Variants in WIPI2 observed in about 807,000 individuals in gnomAD.
WIPI2 encodes the protein WD repeat domain phosphoinositide-interacting protein 2.
In WIPI2, 28 loss-of-function variants were observed where a neutral mutation model predicts 52.3. That is an observed-to-expected ratio of 0.54 (90% CI 0.40 to 0.73). The LOEUF (loss-of-function observed/expected upper bound fraction) is 0.73, where lower values mean the gene tolerates loss of function less well. Ranked by LOEUF, WIPI2 falls within the 30% of genes least tolerant of loss-of-function variation. The pLI, the probability that WIPI2 is intolerant of heterozygous loss-of-function variation, is 0.00. For synonymous variants in WIPI2, 268 were observed against 245.0 expected (o/e 1.09, Z -0.88); for missense variants, 506 against 602.9 (o/e 0.84, Z 1.68).
chr7:5,192,462 G>A (rs1222811447), intron 1 of WIPI2, among the ~76,000 whole-genome samples: 1 of 152,168 alleles, frequency 6.6e-6, no homozygotes, highest in African/African-American at 2.4e-5. Context: ...TACTTCAGCT[G>A]GACTGCCATG....
chr7:5,211,617 A>G (rs1404429354), intron 3 of WIPI2, among the ~76,000 whole-genome samples: 2 of 152,172 alleles, frequency 1.3e-5, no homozygotes, highest in East Asian at 3.8e-4. Flanking sequence ...CCCTATTTGG[A>G]AGTAAGTTCT....
intron 3 of WIPI2, among the ~76,000 whole-genome samples, chr7:5,210,028 C>G (rs1325463262): frequency 6.6e-6 from 1 of 152,168 alleles, no homozygotes; most frequent in Non-Finnish European, 1.5e-5. Flanking sequence ...CTGCCTCAGC[C>G]TCCCAAGTAG....
Position 5,229,725 on chromosome 7 carries a change from C to T in WIPI2, c.1239C>T (p.Ser413=), listed in dbSNP as rs1234191673. Residue 413 remains serine (S), a synonymous_variant, in exon 12 of 13, where the codon TCC becomes TCT. Transcript: ENST00000288828. ...AAGKGTYVPS[S]PTRLAYTDDL... is the part of the protein sequence containing the mutation. Reference sequence around the variant, plus strand: ...GAAAAGGTACTTACGTGCCTTCATCCCCAACGAGACTTGGTAAGGGGCGTG... The same window carrying T: ...GAAAAGGTACTTACGTGCCTTCATCTCCAACGAGACTTGGTAAGGGGCGTG... 15 of 1,613,932 alleles carry T rather than the reference C, an allele frequency of 9.3e-6. No homozygotes were observed. Among genetic ancestry groups the T allele is most frequent in the Middle Eastern group, 3.3e-4 (2 of 6,062 alleles).
At chr7:5,198,318 CTTT>C (rs35887906) in intron 2 of WIPI2, among the ~76,000 whole-genome samples, 2 of 144,722 alleles carry the variant, frequency 1.4e-5, no homozygotes, top group Non-Finnish European at 1.5e-5. Context: ...ACTTACTTAA[CTTT>C]TTTTTTTTTT....
chr7:5,225,604 T>TG (rs1783388905), intron 8 of WIPI2, among the ~76,000 whole-genome samples: 1 of 152,218 alleles, frequency 6.6e-6, no homozygotes, highest in Non-Finnish European at 1.5e-5. Context: ...CCTTTTGTCA[T>TG]GTGGAAGCTT....
At chr7:5,201,977 T>C (rs1782049419) in intron 3 of WIPI2, among the ~76,000 whole-genome samples, 1 of 152,146 alleles carries the variant, frequency 6.6e-6, no homozygotes, top group Non-Finnish European at 1.5e-5. Flanking sequence ...AGAGAATGTC[T>C]CTAGAAAACA....
intron 2 of WIPI2, 53 bp from the exon 3 acceptor site, chr7:5,199,523 T>C: frequency 6.5e-7 from 1 of 1,527,400 alleles, no homozygotes. Flanking sequence ...GGTTTCTACA[T>C]TGTCACTGTC....
intron 7 of WIPI2, 37 bp downstream of exon 7, chr7:5,218,051 A>G: frequency 1.2e-6 from 2 of 1,604,646 alleles, no homozygotes; most frequent in African/African-American, 1.3e-5. Flanking sequence ...ACTGGTGCCA[A>G]GGCGTCCACA....
intron 2 of WIPI2, 38 bp from the exon 3 acceptor site, chr7:5,199,538 C>G (rs757635950): frequency 6.4e-7 from 1 of 1,568,346 alleles, no homozygotes; most frequent in Non-Finnish European, 8.7e-7. Flanking sequence ...ACTGTCTGCA[C>G]GTATCAGCTC....
Position 5,214,608 on chromosome 7 carries a change from A to G in WIPI2, c.285A>G (p.Ala95=). Residue 95 remains alanine, a synonymous_variant, in exon 4 of 13, where the codon GCA becomes GCG. Transcript: ENST00000288828. ...TAGTGGCCATCGTCAGCCTTAAAGCACCAAGGAAGCTAAAGGTTTGCCACT... is the reference window on the plus strand; with the variant it reads ...TAGTGGCCATCGTCAGCCTTAAAGCGCCAAGGAAGCTAAAGGTTTGCCACT... ...SSLVAIVSLK[A]PRKLKVCHFK... 1.9e-6 allele frequency: 3 copies of G among 1,614,226 alleles called. No homozygotes were observed. The highest frequency in any genetic ancestry group is 2.5e-6 in the Non-Finnish European group (3 of 1,180,032).
At chr7:5,197,544 A>G (rs1474857202) in intron 2 of WIPI2, among the ~76,000 whole-genome samples, 1 of 152,222 alleles carries the variant, frequency 6.6e-6, no homozygotes, top group African/African-American at 2.4e-5. Context: ...AAATTTTTGC[A>G]AAGAAAAATT....
chr7:5,216,317 AG>A (rs1386265114), intron 4 of WIPI2: 8 of 322,652 alleles, frequency 2.5e-5, no homozygotes, highest in Non-Finnish European at 3.6e-5. Context: ...CTGTAATTCC[AG>A]CTACTTGGGA....
In WIPI2 at chr7:5,217,107, A is replaced by G. The variant is rs150046142; in HGVS notation, c.496A>G (p.Ile166Val). The change falls in exon 6 of 13, where the codon ATC becomes GTC. Residue 166 changes from isoleucine (I) to valine (V), a missense_variant. By Grantham distance (29) the Ile-to-Val change is conservative. Around this residue, in one of 4 missense-constraint regions of WIPI2, gnomAD observed 237 missense variants for 346.9 expected, o/e 0.68. Transcript: ENST00000288828. Reference sequence around the variant, plus strand: ...ATTTGCAGGCCTGTGTGCGCTGTCAATCAACAACGACAACTGCTACTTGGC... The same window carrying G: ...ATTTGCAGGCCTGTGTGCGCTGTCAGTCAACAACGACAACTGCTACTTGGC... Reference protein sequence around the residue: ...PNPAGLCALSINNDNCYLAYP... With the variant: ...PNPAGLCALSVNNDNCYLAYP... 5.7e-5 allele frequency: 92 copies of G among 1,613,232 alleles called. No individual in the cohort carries two copies. The highest frequency in any genetic ancestry group is 6.7e-5 in the Admixed American group (4 of 59,968).
intron 2 of WIPI2, among the ~76,000 whole-genome samples, chr7:5,196,939 C>G (rs979709364): frequency 5.9e-5 from 9 of 151,544 alleles, no homozygotes; most frequent in African/African-American, 2.2e-4. Context: ...TGGTAAAACC[C>G]CATCTCTACT....
chr7:5,190,361 C>T lies in WIPI2; in HGVS notation c.-59C>T. The T allele has an allele frequency of 8.0e-7, 1 of 1,257,148 alleles. No homozygotes were observed. Among genetic ancestry groups the T allele is most frequent in the Non-Finnish European group, 1.0e-6 (1 of 984,790 alleles). The allele number at this position is 1,257,148 out of a possible 1,614,324, so 77.9% of individuals were successfully genotyped here. A position where few individuals can be genotyped will look rare whatever the true frequency, so the allele number is the denominator to read the frequency against. On this transcript the variant is annotated 5_prime_UTR_variant, in exon 1 of 13. Coordinates refer to ENST00000288828, the MANE Select transcript of WIPI2 (RefSeq NM_015610.4). ...GCCCGGCGCCGACCCTGAGTGCAGC[C>T]TGACCCGCCCTCGCGCGCGCGCCCT...
chr7:5,227,104 G>A lies in WIPI2; in HGVS notation c.849-76G>A, dbSNP rs2115317335. The A allele has an allele frequency of 6.3e-7, 1 of 1,575,190 alleles. No homozygotes were observed. The highest frequency in any genetic ancestry group is 1.3e-5 in the African/African-American group (1 of 74,082). On this transcript the variant is annotated intron_variant, in intron 9 of 12. Transcript: ENST00000288828. The surrounding 1 kb of genome is among the most constrained non-coding windows in gnomAD (Gnocchi z 8.1). ...CTTTTGCTGTCGGCTCCAGAGCTGT[G>A]CGTCTGTGTGAGTAGGGGGTGGCCG...
At chr7:5,209,616 C>G (rs189271856) in intron 3 of WIPI2, among the ~76,000 whole-genome samples, 7 of 152,294 alleles carry the variant, frequency 4.6e-5, no homozygotes, top group East Asian at 3.9e-4. Flanking sequence ...TTGAGATGAT[C>G]GTCTCATACT....
In WIPI2 at chr7:5,190,401, A is replaced by G. The variant is rs779168446; in HGVS notation, c.-19A>G. On this transcript the variant is annotated 5_prime_UTR_variant, in exon 1 of 13. Coordinates refer to ENST00000288828, the MANE Select transcript of WIPI2 (RefSeq NM_015610.4). The stretch of plus-strand genomic sequence containing the variant: ...GCGCGCGCCCTCCCCGGCCGGGCCC[A>G]CTCGCCGCGCGCCCAGCCATGAACC... The G allele has an allele frequency of 5.9e-6, 8 of 1,360,146 alleles. No homozygotes were observed. Among genetic ancestry groups the G allele is most frequent in the Non-Finnish European group, 6.7e-6 (7 of 1,050,002 alleles). 84.3% of individuals were successfully genotyped at this position (1,360,146 alleles called of 1,614,324 possible). A position where few individuals can be genotyped will look rare whatever the true frequency, so the allele number is the denominator to read the frequency against.
chr7:5,200,720 C>T (rs1583547045), intron 3 of WIPI2, among the ~76,000 whole-genome samples: 1 of 152,142 alleles, frequency 6.6e-6, no homozygotes, highest in South Asian at 2.1e-4. Context: ...CCAGCAGGTG[C>T]GGCCTTTCGG....
Sources: gnomAD v4.1 joint callset for allele counts (sites outside exome capture counted in the v4.1 genomes callset) on GRCh38, gnomAD v4.1.1 for gene constraint, gnomAD v4.1.1 regional missense constraint, Gnocchi (gnomAD v3.1) non-coding constraint, MANE v1.5 for transcripts, NCBI Gene and HGNC (gene_info 2026-07-23, HGNC 2026-07-21) for gene names.